Variants in MARCHF10 observed in about 807,000 individuals in gnomAD.
MARCHF10 encodes probable E3 ubiquitin-protein ligase MARCHF10.
Under a neutral mutation model 76.2 loss-of-function variants are expected in MARCHF10, and 64 were observed. The observed-to-expected ratio is 0.84, with a 90% CI of 0.69 to 1.03. The LOEUF (loss-of-function observed/expected upper bound fraction) is 1.03. Ranked by LOEUF, MARCHF10 falls within the 50% of genes least tolerant of loss-of-function variation. The probability of loss-of-function intolerance (pLI) is 0.00; values close to 1 mark genes in which losing one functional copy is unlikely to be tolerated. For missense variants in MARCHF10, 875 were observed against 958.0 expected, an observed-to-expected ratio of 0.91 and a Z score of 1.14; for synonymous variants, 340 against 357.5, an observed-to-expected ratio of 0.95 and a Z score of 0.55.
At position 62,801,754 on chromosome 17, in the gene MARCHF10, T is replaced by C; in HGVS notation, c.-17-2A>G. On this transcript the variant is annotated splice_acceptor_variant, in intron 1 of 10. Transcript: ENST00000311269. LOFTEE classifies it low-confidence loss of function (5UTR_SPLICE). ...GCAACATGATTCCTAATCCCTGACCTGCACAGAAAAGATAAACAAATGTGC... is the reference window on the plus strand; with the variant it reads ...GCAACATGATTCCTAATCCCTGACCCGCACAGAAAAGATAAACAAATGTGC... The C allele has an allele frequency of 6.2e-7, 1 of 1,606,678 alleles. No homozygotes were observed. Among genetic ancestry groups the C allele is most frequent in the Non-Finnish European group, 8.5e-7 (1 of 1,173,228 alleles).
intron 2 of MARCHF10, chr17:62,795,146 T>C (rs1204472262): frequency 5.8e-6 from 4 of 687,386 alleles, no homozygotes; most frequent in Non-Finnish European, 7.2e-6. Context: ...AAGTCGCCTA[T>C]CGTGTCCTTG....
intron 3 of MARCHF10, among the ~76,000 whole-genome samples, chr17:62,770,851 CTTTTTTTTT>C (rs35064058): frequency 1.2e-5 from 1 of 83,632 alleles, no homozygotes; most frequent in Non-Finnish European, 2.2e-5. Context: ...TGTATTTTGA[CTTTTTTTTT>C]TTTTTTTTTT....
intron 2 of MARCHF10, among the ~76,000 whole-genome samples, chr17:62,792,813 A>ACCACCACCTCCATCACCACCG (rs1568218313): frequency 1.7e-4 from 21 of 122,602 alleles, no homozygotes; most frequent in African/African-American, 7.1e-4. Context: ...CTCCATCACC[A>ACCACCACCTCCATCACCACCG]CCACCACCAC....
chr17:62,802,544 G>A (rs1251031310), intron 1 of MARCHF10, among the ~76,000 whole-genome samples: 1 of 152,096 alleles, frequency 6.6e-6, no homozygotes, highest in African/African-American at 2.4e-5. Context: ...TCCAGGGTGC[G>A]AGACTGACTT....
intron 3 of MARCHF10, among the ~76,000 whole-genome samples, chr17:62,766,404 G>A (rs2092332930): frequency 1.3e-5 from 2 of 152,094 alleles, no homozygotes; most frequent in South Asian, 4.1e-4. Context: ...GGAGGCTGAG[G>A]CAGGAGAATC....
intron 3 of MARCHF10, among the ~76,000 whole-genome samples, chr17:62,775,044 A>T (rs963090621): frequency 6.6e-6 from 1 of 151,098 alleles, no homozygotes; most frequent in African/African-American, 2.4e-5. Context: ...ACAGAGCAAG[A>T]CTCCCATCTC....
At chr17:62,762,640 C>T (rs966928133) in intron 3 of MARCHF10, among the ~76,000 whole-genome samples, 20 of 152,172 alleles carry the variant, frequency 1.3e-4, no homozygotes, top group South Asian at 6.2e-4. Context: ...TCGACCTCCC[C>T]GGTTCAAGCA....
At chr17:62,746,206 G>A (rs1295378402) in intron 4 of MARCHF10, among the ~76,000 whole-genome samples, 4 of 152,226 alleles carry the variant, frequency 2.6e-5, no homozygotes, top group African/African-American at 9.6e-5. Context: ...GGAGGGCATG[G>A]CAGTGGGTCC....
chr17:62,743,450 C>T (rs573843840), intron 5 of MARCHF10, among the ~76,000 whole-genome samples: 17 of 152,240 alleles, frequency 1.1e-4, no homozygotes, highest in African/African-American at 3.1e-4. Context: ...GAGTTTGAGA[C>T]GGGCCAACAT....
intron 9 of MARCHF10, chr17:62,706,577 T>C (rs1304484467): frequency 6.6e-6 from 1 of 152,154 alleles, no homozygotes; most frequent in Admixed American, 6.5e-5. Flanking sequence ...ATGATGTGGA[T>C]AGGAACTGGG....
At chr17:62,727,531 G>C (rs982618907) in intron 6 of MARCHF10, among the ~76,000 whole-genome samples, 2 of 151,966 alleles carry the variant, frequency 1.3e-5, no homozygotes, top group Admixed American at 1.3e-4. Flanking sequence ...ATATAGCTTG[G>C]TGTACTAGCC....
chr17:62,767,881 C>T (rs1208985542), intron 3 of MARCHF10, among the ~76,000 whole-genome samples: 1 of 152,122 alleles, frequency 6.6e-6, no homozygotes, highest in Admixed American at 6.5e-5. Context: ...ATCGTTCAGC[C>T]CCTGCACCTA....
At chr17:62,782,916 C>T (rs1338199729) in intron 3 of MARCHF10, among the ~76,000 whole-genome samples, 1 of 152,150 alleles carries the variant, frequency 6.6e-6, no homozygotes, top group East Asian at 1.9e-4. Flanking sequence ...TGTCCAGGGG[C>T]AAATCCTCCA....
chr17:62,768,540 A>G (rs2092383155), intron 3 of MARCHF10, among the ~76,000 whole-genome samples: 1 of 152,158 alleles, frequency 6.6e-6, no homozygotes, highest in Admixed American at 6.6e-5. Flanking sequence ...TACCATTTAT[A>G]CTGTTTTACT....
At chr17:62,789,874 C>T (rs1373166536) in intron 2 of MARCHF10, among the ~76,000 whole-genome samples, 1 of 152,090 alleles carries the variant, frequency 6.6e-6, no homozygotes, top group Non-Finnish European at 1.5e-5. Flanking sequence ...GCAGAGGTTG[C>T]AGTGAGCCAA....
chr17:62,788,535 C>T lies in MARCHF10; in HGVS notation c.155G>A (p.Gly52Glu), dbSNP rs759084784. ...GGATCTCTCAAAACTTGTCTCTTGCCCCCAAAACTGATCGCGTTTCTTCTC... is the reference window on the plus strand; with the variant it reads ...GGATCTCTCAAAACTTGTCTCTTGCTCCCAAAACTGATCGCGTTTCTTCTC... ...PNEKKRDQFWGQETSFERSRF... is the reference protein window; with the variant it reads ...PNEKKRDQFWEQETSFERSRF... Residue 52 changes from glycine to glutamate, a missense_variant, in exon 3 of 11, where the codon GGG (glycine) becomes GAG (glutamate). By Grantham distance (98) the Gly-to-Glu change is moderately conservative. Transcript: ENST00000311269. 1 of 1,614,106 alleles carries T rather than the reference C, an allele frequency of 6.2e-7. No homozygotes were observed. The highest frequency in any genetic ancestry group is 8.5e-7 in the Non-Finnish European group (1 of 1,180,010).
At chr17:62,717,498 C>T (rs1454239314) in intron 8 of MARCHF10, among the ~76,000 whole-genome samples, 1 of 152,270 alleles carries the variant, frequency 6.6e-6, no homozygotes, top group Non-Finnish European at 1.5e-5. Flanking sequence ...GCCCAGGGGC[C>T]GGCCCCATGG....
chr17:62,759,077 T>C (rs2092123750), intron 4 of MARCHF10, among the ~76,000 whole-genome samples: 2 of 152,230 alleles, frequency 1.3e-5, no homozygotes, highest in African/African-American at 4.8e-5. Flanking sequence ...AAAGGGAGAA[T>C]TTATCAAGCA....
intron 4 of MARCHF10, among the ~76,000 whole-genome samples, chr17:62,752,825 C>T (rs1027911455): frequency 6.6e-6 from 1 of 152,102 alleles, no homozygotes; most frequent in Non-Finnish European, 1.5e-5. Context: ...TCTCCCCCAT[C>T]CCCTGCAACT....
Sources: gnomAD v4.1 joint callset for allele counts (sites outside exome capture counted in the v4.1 genomes callset) on GRCh38, gnomAD v4.1.1 for gene constraint, MANE v1.5 for transcripts, NCBI Gene and HGNC (gene_info 2026-07-23, HGNC 2026-07-21) for gene names.